The following ITPR3 variants were observed in gnomAD, a reference collection of about 807,000 sequenced individuals.
ITPR3 encodes inositol 1,4,5-trisphosphate receptor type 3.
Under a neutral mutation model 293.2 loss-of-function variants are expected in ITPR3, and 173 were observed. The ratio of observed to expected loss-of-function variants is 0.59; its 90% CI spans 0.52 to 0.67. The LOEUF is 0.67. Ranked by LOEUF, ITPR3 falls within the 30% of genes least tolerant of loss-of-function variation. The probability of loss-of-function intolerance (pLI) is 0.00; values close to 1 mark genes in which losing one functional copy is unlikely to be tolerated. For synonymous variants in ITPR3, 1,295 were observed against 1,444.4 expected (o/e 0.90, Z 2.35); for missense variants, 2,796 against 3,592.1 (o/e 0.78, Z 5.66).
chr6:33,629,490 T>C (rs1483659930), intron 1 of ITPR3, among the ~76,000 whole-genome samples: 1 of 151,874 alleles, frequency 6.6e-6, no homozygotes, highest in East Asian at 1.9e-4. Flanking sequence ...TTCTTTTTTT[T>C]TTTTTTTGAG....
At chr6:33,693,266 A>T (rs905363895) in intron 55 of ITPR3, among the ~76,000 whole-genome samples, 19 of 151,750 alleles carry the variant, frequency 1.3e-4, no homozygotes, top group Admixed American at 1.1e-3. Context: ...TCGCTCATTC[A>T]GCCATTCGGG....
chr6:33,671,070 C>G lies in ITPR3; in HGVS notation c.2587-95C>G. 1.2e-5 allele frequency: 19 copies of G among 1,555,600 alleles called. No homozygotes were observed. The South Asian group carries it at 1.8e-4, about 15-fold the overall frequency. ...AACCCCGTCCTCATGACGCCCCTTT[C>G]GCCCTAGTTTCCCCAGTCCTGGCCT... On this transcript the variant is annotated intron_variant, in intron 20 of 57. Transcript: ENST00000605930.
At chr6:33,644,246 T>A (rs181021549) in intron 2 of ITPR3, among the ~76,000 whole-genome samples, 1 of 152,266 alleles carries the variant, frequency 6.6e-6, no homozygotes, top group African/African-American at 2.4e-5. Flanking sequence ...CTGCTGAGCT[T>A]TGTCAAATCC....
rs1765528415 is a variant in ITPR3, at chr6:33,695,769, A to G, written c.8005A>G (p.Ile2669Val). 1.9e-6 allele frequency: 3 copies of G among 1,614,124 alleles called. No homozygotes were observed. Among genetic ancestry groups the G allele is most frequent in the Non-Finnish European group, 1.7e-6 (2 of 1,180,026 alleles). Reference sequence around the variant, plus strand: ...AGGCTTTGTGGATGTCCAGAACTGCATTAGCCGCTGAGGAGAGCCACCGAA... The same window carrying G: ...AGGCTTTGTGGATGTCCAGAACTGCGTTAGCCGCTGAGGAGAGCCACCGAA... ...RLGFVDVQNC[I>V]SR Residue 2669 changes from isoleucine to valine, a missense_variant, in exon 58 of 58, where the codon ATT (isoleucine) becomes GTT (valine). By Grantham distance (29) the Ile-to-Val change is conservative (BLOSUM62 3). Around this residue, in one of 8 missense-constraint regions of ITPR3, gnomAD observed 568 missense variants for 796.1 expected, o/e 0.71. Transcript: ENST00000605930.
chr6:33,691,534 G>T lies in ITPR3; in HGVS notation c.7226-81G>T. On this transcript the variant is annotated intron_variant, in intron 52 of 57. Transcript: ENST00000605930. This position sits in a 1 kb window ranked among gnomAD's most constrained non-coding sequence, Gnocchi z 4.9. ...ATCCAGGACCAGGGAAGGTTTCCTG[G>T]AGGATGTGACACTGGGGACAGAGCC... The T allele has an allele frequency of 8.4e-7, 1 of 1,187,144 alleles. No homozygotes were observed. Among genetic ancestry groups the T allele is most frequent in the South Asian group, 1.3e-5 (1 of 74,280 alleles). 73.5% of individuals were successfully genotyped at this position (1,187,144 alleles called of 1,614,324 possible).
rs533951005 is a variant in ITPR3 at position 33,690,205 on chromosome 6, C to A, written c.7032+7C>A. The A allele has an allele frequency of 3.4e-5, 55 of 1,612,780 alleles. No individual in the cohort carries two copies. The highest frequency in any genetic ancestry group is 3.3e-4 in the Middle Eastern group (2 of 6,072). On this transcript the variant is annotated splice_region_variant and intron_variant, in intron 51 of 57. Coordinates refer to ENST00000605930, the MANE Select transcript of ITPR3 (RefSeq NM_002224.4). Reference sequence around the variant, plus strand: ...GCTGTTCTACAGCATCCTGGTGAGGCCTTCTGGGTGGGCTGGGGCTGGATG... The same window carrying A: ...GCTGTTCTACAGCATCCTGGTGAGGACTTCTGGGTGGGCTGGGGCTGGATG...
At position 33,663,013 on chromosome 6, in the gene ITPR3, G is replaced by T; in HGVS notation, c.954+7G>T. ...CAACTACCTGGCTGCTGAGGTGAGC[G>T]GGAGGTAGAGGGCATGCTGGGGCTC... On this transcript the variant is annotated splice_region_variant and intron_variant, in intron 9 of 57. Transcript: ENST00000605930. 2 of 1,587,130 alleles carry T rather than the reference G, an allele frequency of 1.3e-6. No homozygotes were observed. Among genetic ancestry groups the T allele is most frequent in the East Asian group, 2.3e-5 (1 of 43,804 alleles).
chr6:33,663,750 C>T lies in ITPR3; in HGVS notation c.1018C>T (p.Arg340Cys), dbSNP rs1764537178. 3.1e-6 allele frequency: 5 copies of T among 1,613,912 alleles called. No homozygotes were observed. Among genetic ancestry groups the T allele is most frequent in the Admixed American group, 1.7e-5 (1 of 60,026 alleles). Reference protein sequence around the residue: ...PKAAGMGAQGRTGRRNAGEKI... With the variant: ...PKAAGMGAQGCTGRRNAGEKI... ...GGTCCTCATCCAGGGGGCACAGGGC[C>T]GCACAGGCCGCAGGAATGCTGGGGA... Residue 340 changes from arginine (R) to cysteine (C), a missense_variant, in exon 11 of 58, where the codon CGC (arginine) becomes TGC (cysteine). By Grantham distance (180) the Arg-to-Cys change is radical. Coordinates refer to ENST00000605930, the MANE Select transcript of ITPR3 (RefSeq NM_002224.4).
rs117419514 is a variant in ITPR3 at position 33,627,883 on chromosome 6, C to T, written c.89+6192C>T. 4.6e-3 allele frequency among the ~76,000 whole-genome samples: 696 copies of T among 152,276 alleles called. 21 individuals are homozygous for T. In the East Asian group the frequency reaches 0.047, roughly 10 times the overall value. On this transcript the variant is annotated intron_variant, in intron 1 of 57. Transcript: ENST00000605930. ...AAGGGATGAAGTGGAGAGGGGGTGG[C>T]GCGGGGTTGGCTCAGCCTAGAACCA...
At chr6:33,635,892 C>G (rs1295006421) in intron 1 of ITPR3, among the ~76,000 whole-genome samples, 1 of 151,816 alleles carries the variant, frequency 6.6e-6, no homozygotes, top group African/African-American at 2.4e-5. Flanking sequence ...GGGTGGACCA[C>G]GTGGGTCTTT....
chr6:33,655,010 G>A lies in ITPR3; in HGVS notation c.161-756G>A, dbSNP rs932963545. Among the ~76,000 whole-genome samples, 10 of 152,210 alleles carry A rather than the reference G, an allele frequency of 6.6e-5. No homozygotes were observed. The highest frequency in any genetic ancestry group is 6.5e-4 in the Admixed American group (10 of 15,286). ...GCTTAGGCTTATGGGAATGACACTTGTTTTATCTACTTGCCAAAATAAAAA... is the reference window on the plus strand; with the variant it reads ...GCTTAGGCTTATGGGAATGACACTTATTTTATCTACTTGCCAAAATAAAAA... On this transcript the variant is annotated intron_variant, in intron 2 of 57. Transcript: ENST00000605930. The surrounding 1 kb of genome is among the most constrained non-coding windows in gnomAD (Gnocchi z 4.9).
At chr6:33,636,410 G>C (rs970975573) in intron 1 of ITPR3, among the ~76,000 whole-genome samples, 1 of 152,138 alleles carries the variant, frequency 6.6e-6, no homozygotes, top group African/African-American at 2.4e-5. Context: ...CTGAAATCCA[G>C]GTGAGAGCTG....
Position 33,680,134 on chromosome 6 carries a change from G to A in ITPR3, c.4224+1G>A. On this transcript the variant is annotated splice_donor_variant, in intron 31 of 57. Transcript: ENST00000605930. LOFTEE classifies it high-confidence loss of function. ...GACGCATGAGGACTGCATCACTGAG[G>A]TGGGGATCGGGAGACTGGGCAAGAC... 1 of 1,611,332 alleles carries A rather than the reference G, an allele frequency of 6.2e-7. No individual in the cohort carries two copies. Among genetic ancestry groups the A allele is most frequent in the Non-Finnish European group, 8.5e-7 (1 of 1,178,106 alleles).
Position 33,666,107 on chromosome 6 carries a change from C to T in ITPR3, c.1551+131C>T, listed in dbSNP as rs929495626. ...GGCACGACCACGTGCCAGGGACTTCCCTAAGTACCCCACATGTGTTGACGA... is the reference window on the plus strand; with the variant it reads ...GGCACGACCACGTGCCAGGGACTTCTCTAAGTACCCCACATGTGTTGACGA... On this transcript the variant is annotated intron_variant, in intron 14 of 57. Coordinates refer to ENST00000605930, the MANE Select transcript of ITPR3 (RefSeq NM_002224.4). The surrounding 1 kb of genome is among the most constrained non-coding windows in gnomAD (Gnocchi z 5.1). 9.9e-7 allele frequency: 1 copy of T among 1,009,748 alleles called. No individual in the cohort carries two copies. The highest frequency in any genetic ancestry group is 1.8e-5 in the South Asian group (1 of 56,830). The allele number at this position is 1,009,748 out of a possible 1,614,324, so 62.5% of individuals were successfully genotyped here. A position where few individuals can be genotyped will look rare whatever the true frequency, so the allele number is the denominator to read the frequency against.
At chr6:33,639,304 G>A (rs1188070004) in intron 1 of ITPR3, among the ~76,000 whole-genome samples, 2 of 151,632 alleles carry the variant, frequency 1.3e-5, no homozygotes, top group Non-Finnish European at 2.9e-5. Flanking sequence ...GCTTGAACCC[G>A]GGGGGCAGAG....
chr6:33,631,648 C>T (rs762942465), intron 1 of ITPR3, among the ~76,000 whole-genome samples: 2 of 152,182 alleles, frequency 1.3e-5, no homozygotes, highest in Non-Finnish European at 2.9e-5. Context: ...TTTAAGCCTC[C>T]GGATGACTGC....
Position 33,669,062 on chromosome 6 carries a change from A to G in ITPR3, c.2095A>G (p.Lys699Glu). 6.2e-7 allele frequency: 1 copy of G among 1,614,182 alleles called. No homozygotes were observed. Among genetic ancestry groups the G allele is most frequent in the South Asian group, 1.1e-5 (1 of 91,072 alleles). Residue 699 changes from lysine (K) to glutamate (E), a missense_variant, in exon 18 of 58, where the codon AAG (lysine) becomes GAG (glutamate). Transcript: ENST00000605930. ...GGAAGTGTGGCTCACGTGGACTGAC[A>G]AGAATAACGAGCATCATGAGAAGAG... ...EEEVWLTWTD[K>E]NNEHHEKSVR...
intron 1 of ITPR3, among the ~76,000 whole-genome samples, chr6:33,628,192 G>A (rs568970870): frequency 6.6e-6 from 1 of 152,182 alleles, no homozygotes; most frequent in Admixed American, 6.5e-5. Context: ...CATGCCTGGA[G>A]TCCCTGCATG....
Position 33,684,830 on chromosome 6 carries a change from G to A in ITPR3, c.5194G>A (p.Gly1732Arg), listed in dbSNP as rs1341868696. Reference protein sequence around the residue: ...AATQCRLDKEGATKLVCDLIT... With the variant: ...AATQCRLDKERATKLVCDLIT... ...CACCCAGTGCCGGCTGGACAAGGAG[G>A]GGGCCACCAAGTTGGTATGCGACCT... The change falls in exon 39 of 58, where the codon GGG (glycine) becomes AGG (arginine). Residue 1732 changes from glycine (G) to arginine (R), a missense_variant. By Grantham distance (125) the Gly-to-Arg change is moderately radical (BLOSUM62 -2). Around this residue, in one of 8 missense-constraint regions of ITPR3, gnomAD observed 704 missense variants for 797.5 expected, o/e 0.88. Coordinates refer to ENST00000605930, the MANE Select transcript of ITPR3 (RefSeq NM_002224.4). The surrounding 1 kb of genome is among the most constrained non-coding windows in gnomAD (Gnocchi z 4.2). 1 of 1,614,004 alleles carries A rather than the reference G, an allele frequency of 6.2e-7. No individual in the cohort carries two copies. Among genetic ancestry groups the A allele is most frequent in the Admixed American group, 1.7e-5 (1 of 60,020 alleles).
Sources: gnomAD v4.1 joint callset for allele counts (sites outside exome capture counted in the v4.1 genomes callset) on GRCh38, gnomAD v4.1.1 for gene constraint, gnomAD v4.1.1 regional missense constraint, Gnocchi (gnomAD v3.1) non-coding constraint, MANE v1.5 for transcripts, NCBI Gene and HGNC (gene_info 2026-07-23, HGNC 2026-07-21) for gene names.